Variants in CTNNBL1 observed in about 807,000 individuals in gnomAD.
CTNNBL1 encodes the protein beta-catenin-like protein 1.
Under a neutral mutation model 72.7 loss-of-function variants are expected in CTNNBL1, and 31 were observed. That is an observed-to-expected ratio of 0.43 (90% CI 0.32 to 0.58). The LOEUF is 0.58. CTNNBL1 is among the 20% of genes least tolerant of loss of function. The pLI is 0.08. For missense variants in CTNNBL1, 534 were observed against 725.1 expected (o/e 0.74, Z 3.03); for synonymous variants, 240 against 267.3 (o/e 0.90, Z 1.00).
At chr20:37,797,326 A>G (rs2073785765) in intron 10 of CTNNBL1, among the ~76,000 whole-genome samples, 1 of 149,524 alleles carries the variant, frequency 6.7e-6, no homozygotes, top group African/African-American at 2.5e-5. Context: ...TTTATGGTTC[A>G]CAGAATATTT....
chr20:37,823,714 CCTT>C (rs2072131804), intron 11 of CTNNBL1, among the ~76,000 whole-genome samples: 2 of 152,306 alleles, frequency 1.3e-5, no homozygotes, highest in Non-Finnish European at 1.5e-5. Flanking sequence ...AGTGTGAACA[CCTT>C]CTTTGCATTG....
At chr20:37,870,037 A>G (rs903545227) in intron 15 of CTNNBL1, among the ~76,000 whole-genome samples, 1 of 150,850 alleles carries the variant, frequency 6.6e-6, no homozygotes, top group Non-Finnish European at 1.5e-5. Flanking sequence ...CAGGGTGACC[A>G]TGTTATTTTG....
At chr20:37,754,862 C>T (rs2073349973) in intron 4 of CTNNBL1, among the ~76,000 whole-genome samples, 1 of 151,692 alleles carries the variant, frequency 6.6e-6, no homozygotes, top group Admixed American at 6.6e-5. Context: ...GGCTGGAGTG[C>T]AGTGGCACAA....
At chr20:37,732,459 TC>T (rs2122597414) in intron 1 of CTNNBL1, among the ~76,000 whole-genome samples, 1 of 152,354 alleles carries the variant, frequency 6.6e-6, no homozygotes, top group South Asian at 2.1e-4. Flanking sequence ...AGTGTCCCCA[TC>T]TTAAGATAGC....
intron 13 of CTNNBL1, 87 bp downstream of exon 13, chr20:37,842,506 G>T: frequency 2.3e-6 from 2 of 888,046 alleles, no homozygotes; most frequent in Non-Finnish European, 3.8e-6. Context: ...CACAGGATAG[G>T]TAAGGGCAGC....
At chr20:37,758,844 C>T (rs1023945866) in intron 5 of CTNNBL1, among the ~76,000 whole-genome samples, 7 of 152,354 alleles carry the variant, frequency 4.6e-5, no homozygotes, top group Middle Eastern at 3.4e-3. Flanking sequence ...ACTTTCTAGT[C>T]CTACCCAAGA....
At chr20:37,739,877 A>G (rs756362780) in intron 3 of CTNNBL1, among the ~76,000 whole-genome samples, 1 of 152,134 alleles carries the variant, frequency 6.6e-6, no homozygotes, top group Non-Finnish European at 1.5e-5. Flanking sequence ...CATTGCTTGA[A>G]CCTAAGGATA....
intron 1 of CTNNBL1, among the ~76,000 whole-genome samples, chr20:37,721,973 T>C (rs557789605): frequency 6.6e-6 from 1 of 152,334 alleles, no homozygotes; most frequent in Admixed American, 6.5e-5. Flanking sequence ...GTATCAACAG[T>C]TCTTGTTTCC....
At chr20:37,770,721 A>G (rs560256193) in intron 7 of CTNNBL1, among the ~76,000 whole-genome samples, 1 of 152,332 alleles carries the variant, frequency 6.6e-6, no homozygotes, top group East Asian at 1.9e-4. Flanking sequence ...CGGGGCACAA[A>G]TAGCCATGTT....
intron 3 of CTNNBL1, among the ~76,000 whole-genome samples, chr20:37,741,245 C>G (rs778268531): frequency 5.9e-5 from 9 of 152,190 alleles, no homozygotes; most frequent in Non-Finnish European, 1.3e-4. Context: ...TGCCTAATTC[C>G]TAAAGACAGT....
At chr20:37,777,880 A>G (rs951611020) in intron 9 of CTNNBL1, among the ~76,000 whole-genome samples, 168 bp downstream of exon 9, 1 of 152,132 alleles carries the variant, frequency 6.6e-6, no homozygotes, top group Non-Finnish European at 1.5e-5. Flanking sequence ...TCCTTTTCTT[A>G]GTCATTTGCT....
intron 1 of CTNNBL1, among the ~76,000 whole-genome samples, chr20:37,720,585 C>G (rs1280305076): frequency 6.6e-6 from 1 of 152,166 alleles, no homozygotes; most frequent in Non-Finnish European, 1.5e-5. Context: ...TGGATTAAGG[C>G]CCAGACATTG....
chr20:37,859,305 C>T (rs185278243), intron 13 of CTNNBL1, among the ~76,000 whole-genome samples: 6 of 150,902 alleles, frequency 4.0e-5, no homozygotes, highest in African/African-American at 1.5e-4. Flanking sequence ...TGCAGTGTGC[C>T]GAGATCGCGC....
At chr20:37,709,124 A>G (rs1238189797) in intron 1 of CTNNBL1, among the ~76,000 whole-genome samples, 1 of 152,126 alleles carries the variant, frequency 6.6e-6, no homozygotes, top group Non-Finnish European at 1.5e-5. Context: ...CAACAGAGCA[A>G]GACTCCGTCC....
At chr20:37,770,204 G>A (rs1273735496) in intron 7 of CTNNBL1, among the ~76,000 whole-genome samples, 1 of 152,162 alleles carries the variant, frequency 6.6e-6, no homozygotes, top group African/African-American at 2.4e-5. Context: ...ATATCCTTTG[G>A]TTTTAGAACT....
At chr20:37,821,531 CT>C (rs2072107369) in intron 11 of CTNNBL1, among the ~76,000 whole-genome samples, 1 of 152,288 alleles carries the variant, frequency 6.6e-6, no homozygotes, top group African/African-American at 2.4e-5. Flanking sequence ...CCCCTCCTCT[CT>C]TTTTTTCTTG....
chr20:37,833,144 T>C (rs890295713), intron 11 of CTNNBL1, among the ~76,000 whole-genome samples: 9 of 152,186 alleles, frequency 5.9e-5, no homozygotes, highest in African/African-American at 2.2e-4. Flanking sequence ...TCACATTCCT[T>C]CTCAGGGCTA....
At chr20:37,799,458 A>G (rs566499721) in intron 10 of CTNNBL1, among the ~76,000 whole-genome samples, 1 of 152,272 alleles carries the variant, frequency 6.6e-6, no homozygotes, top group Admixed American at 6.5e-5. Context: ...CATGCTGTAC[A>G]GCCACCACTC....
At chr20:37,841,709 A>T (rs2072305650) in intron 12 of CTNNBL1, among the ~76,000 whole-genome samples, 1 of 152,154 alleles carries the variant, frequency 6.6e-6, no homozygotes, top group Non-Finnish European at 1.5e-5. Context: ...GAAAAAACAA[A>T]ACTTTTTCAA....
Sources: gnomAD v4.1 joint callset for allele counts (sites outside exome capture counted in the v4.1 genomes callset) on GRCh38, gnomAD v4.1.1 for gene constraint, MANE v1.5 for transcripts, NCBI Gene and HGNC (gene_info 2026-07-23, HGNC 2026-07-21) for gene names.